Variants in ICE2 observed in about 807,000 individuals in gnomAD.
ICE2 encodes the protein little elongation complex subunit 2.
A neutral mutation model predicts 105.4 loss-of-function variants in ICE2; 87 were observed. The observed-to-expected ratio is 0.83, with a 90% confidence interval of 0.69 to 0.99. ICE2 has a LOEUF of 0.99. Among genes scored for constraint, ICE2 ranks in the 50% least tolerant of loss-of-function variants. The pLI, the probability that ICE2 is intolerant of heterozygous loss-of-function variation, is 0.00. For synonymous variants in ICE2, 399 were observed against 392.0 expected (o/e 1.02, Z -0.21); for missense variants, 1,323 against 1,146.7 (o/e 1.15, Z -2.22).
chr15:60,478,167 C>A, intron 1 of ICE2, 98 bp from the exon 2 acceptor site: 1 of 604,728 alleles, frequency 1.7e-6, no homozygotes, highest in Admixed American at 2.8e-5. Context: ...CTACCCTCAA[C>A]AGACTGTGGC....
intron 5 of ICE2, 69 bp downstream of exon 5, chr15:60,466,525 T>C (rs1186726536): frequency 2.6e-6 from 4 of 1,558,168 alleles, no homozygotes; most frequent in Non-Finnish European, 3.5e-6. Flanking sequence ...GGTGGAATCA[T>C]CACATATTTC....
At chr15:60,470,506 C>A (rs953307217) in intron 3 of ICE2, among the ~76,000 whole-genome samples, 5 of 152,148 alleles carry the variant, frequency 3.3e-5, no homozygotes, top group Admixed American at 2.6e-4. Context: ...CTGCAATATG[C>A]AGTACTATCC....
rs139414010 is a variant in ICE2 at position 60,475,733 on chromosome 15, C to A, written c.146+330G>T. On this transcript the variant is annotated intron_variant, in intron 3 of 15. Coordinates refer to ENST00000261520, the MANE Select transcript of ICE2 (RefSeq NM_024611.6). ...GTTATAAACAGTATACTGCTTAGTA[C>A]TATACTAAACAATTATTAGTATAAT... Among the ~76,000 whole-genome samples the A allele has an allele frequency of 3.0e-4, 45 of 152,076 alleles. 1 individual carries two copies. The East Asian group carries it at 7.7e-3, about 26-fold the overall frequency.
At chr15:60,425,596 T>G (rs2063323606) in intron 15 of ICE2, among the ~76,000 whole-genome samples, 1 of 152,232 alleles carries the variant, frequency 6.6e-6, no homozygotes, top group Non-Finnish European at 1.5e-5. Context: ...CAGGCTCTAC[T>G]GGCATATCTC....
intron 5 of ICE2, among the ~76,000 whole-genome samples, chr15:60,464,882 T>C (rs896034255): frequency 6.6e-6 from 1 of 152,202 alleles, no homozygotes; most frequent in Admixed American, 6.5e-5. Flanking sequence ...CATATGCCCA[T>C]GTCCTTGTTA....
intron 5 of ICE2, among the ~76,000 whole-genome samples, chr15:60,464,093 A>T (rs1224745938): frequency 6.6e-6 from 1 of 152,214 alleles, no homozygotes. Context: ...AAAATTTTAA[A>T]ACTAAAAGAT....
Position 60,468,080 on chromosome 15 carries a change from T to A in ICE2, c.389A>T (p.Asn130Ile). Reference protein sequence around the residue: ...ANSKAVGINKNDYLQYLDMKK... With the variant: ...ANSKAVGINKIDYLQYLDMKK... ...ACATACCAAGTACTGCAAGTAGTCA[T>A]TTTTATTTATTCCAACAGCTTTGGA... Residue 130 changes from asparagine (N) to isoleucine (I), a missense_variant, in exon 4 of 16, where the codon AAT becomes ATT. By Grantham distance (149) the Asn-to-Ile change is moderately radical (BLOSUM62 -3). Coordinates refer to ENST00000261520, the MANE Select transcript of ICE2 (RefSeq NM_024611.6). 1 of 1,612,806 alleles carries A rather than the reference T, an allele frequency of 6.2e-7. No individual in the cohort carries two copies. Among genetic ancestry groups the A allele is most frequent in the Non-Finnish European group, 8.5e-7 (1 of 1,179,400 alleles).
At chr15:60,442,710 G>C in intron 11 of ICE2, 165 bp from the exon 12 acceptor site, 1 of 499,012 alleles carries the variant, frequency 2.0e-6, no homozygotes. Context: ...ATTCAGGCCT[G>C]ATGAATAGAA....
intron 5 of ICE2, among the ~76,000 whole-genome samples, chr15:60,463,505 G>A (rs892850345): frequency 6.6e-6 from 1 of 152,212 alleles, no homozygotes; most frequent in Non-Finnish European, 1.5e-5. Context: ...CAAGCACGGT[G>A]GCTCACGCCT....
chr15:60,426,850 A>G (rs2063349385), intron 15 of ICE2, among the ~76,000 whole-genome samples: 1 of 152,254 alleles, frequency 6.6e-6, no homozygotes, highest in Non-Finnish European at 1.5e-5. Context: ...TCATTCTCCT[A>G]GAAAAACACA....
At chr15:60,424,447 T>C (rs1212621841) in intron 15 of ICE2, among the ~76,000 whole-genome samples, 1 of 8,708 alleles carries the variant, frequency 1.1e-4, no homozygotes, top group African/African-American at 2.4e-4. Flanking sequence ...GCTGTGGTTC[T>C]ACCTTCAAGT....
At chr15:60,477,177 T>C (rs2064785114) in intron 2 of ICE2, among the ~76,000 whole-genome samples, 1 of 152,244 alleles carries the variant, frequency 6.6e-6, no homozygotes, top group Non-Finnish European at 1.5e-5. Context: ...CAGTATAGTT[T>C]CTTATTACCT....
chr15:60,447,855 C>T (rs1250676783), intron 11 of ICE2, 115 bp downstream of exon 11: 1 of 836,778 alleles, frequency 1.2e-6, no homozygotes, highest in African/African-American at 1.7e-5. Context: ...AAACAAAACT[C>T]AACCTGAAGA....
At chr15:60,463,446 G>T (rs2064334884) in intron 5 of ICE2, among the ~76,000 whole-genome samples, 5 of 152,016 alleles carry the variant, frequency 3.3e-5, no homozygotes, top group African/African-American at 1.2e-4. Context: ...AAGAAGGAAG[G>T]CCCAAAAGGA....
At chr15:60,472,525 T>C (rs2064631511) in intron 3 of ICE2, among the ~76,000 whole-genome samples, 1 of 152,338 alleles carries the variant, frequency 6.6e-6, no homozygotes, top group East Asian at 1.9e-4. Context: ...ATTATACTAA[T>C]AGATTATTTT....
chr15:60,435,208 G>C (rs1269931909), intron 13 of ICE2, among the ~76,000 whole-genome samples: 1 of 152,050 alleles, frequency 6.6e-6, no homozygotes, highest in Non-Finnish European at 1.5e-5. Flanking sequence ...ATGAACCCGG[G>C]AGGCAGAACT....
At chr15:60,442,588 CTAT>C (rs1392511665) in intron 11 of ICE2, 43 bp from the exon 12 acceptor site, 1 of 1,444,816 alleles carries the variant, frequency 6.9e-7, no homozygotes, top group East Asian at 2.4e-5. Flanking sequence ...TATTAATTTA[CTAT>C]TAATAGCAAA....
Position 60,455,134 on chromosome 15 carries a change from T to G in ICE2, c.812A>C (p.Lys271Thr). The G allele has an allele frequency of 6.3e-7, 1 of 1,585,182 alleles. No homozygotes were observed. The highest frequency in any genetic ancestry group is 8.5e-7 in the Non-Finnish European group (1 of 1,170,922). ...CTGAGGGTGATATCTGGAAACAAGC[T>G]TCTCTGCATTTGGATCTTTACTAAT... ...YDISKDPNAE[K>T]LVSRYHPQIA... Residue 271 changes from lysine (K) to threonine (T), a missense_variant, in exon 8 of 16, where the codon AAG (lysine) becomes ACG (threonine). Coordinates refer to ENST00000261520, the MANE Select transcript of ICE2 (RefSeq NM_024611.6).
intron 3 of ICE2, among the ~76,000 whole-genome samples, chr15:60,472,686 TGAAAA>T (rs2064637383): frequency 6.6e-6 from 1 of 152,128 alleles, no homozygotes; most frequent in African/African-American, 2.4e-5. Context: ...GAAGTGGACT[TGAAAA>T]GAACCGTAAA....
Sources: allele counts gnomAD v4.1 joint callset (sites outside exome capture counted in the v4.1 genomes callset), GRCh38; gene constraint gnomAD v4.1.1; transcripts MANE v1.5; gene names NCBI Gene and HGNC (gene_info 2026-07-23, HGNC 2026-07-21).